RNGTT: variants seen among roughly 807,000 people sequenced by gnomAD.
The protein encoded by RNGTT is RNA guanylyltransferase and 5'-phosphatase, also known as mRNA-capping enzyme.
RNGTT carries 33 observed loss-of-function variants against 79.3 expected under a neutral mutation model. The observed-to-expected ratio is 0.42, with a 90% CI of 0.32 to 0.56. The LOEUF (loss-of-function observed/expected upper bound fraction) is 0.56. Among genes scored for constraint, RNGTT ranks in the 20% least tolerant of loss-of-function variants. The pLI, the probability that RNGTT is intolerant of heterozygous loss-of-function variation, is 0.17. For missense variants in RNGTT, 497 were observed against 739.1 expected (o/e 0.67, Z 3.80); for synonymous variants, 222 against 235.9 (o/e 0.94, Z 0.54).
chr6:88,913,850 C>T (rs1381892670), intron 4 of RNGTT, among the ~76,000 whole-genome samples: 1 of 152,112 alleles, frequency 6.6e-6, no homozygotes, highest in South Asian at 2.1e-4. Flanking sequence ...ACTAGAAGTG[C>T]TAGCAAGAGC....
At chr6:88,643,562 C>T (rs189796163) in intron 14 of RNGTT, among the ~76,000 whole-genome samples, 5 of 152,308 alleles carry the variant, frequency 3.3e-5, no homozygotes, top group African/African-American at 4.8e-5. Flanking sequence ...CTTCTCATCA[C>T]CACACCACAC....
chr6:88,648,100 G>A (rs1241014091), intron 14 of RNGTT, among the ~76,000 whole-genome samples: 1 of 152,072 alleles, frequency 6.6e-6, no homozygotes, highest in Non-Finnish European at 1.5e-5. Flanking sequence ...ATTTTTATAT[G>A]AGTTCCATTT....
chr6:88,755,930 A>G (rs1177529615), intron 13 of RNGTT, among the ~76,000 whole-genome samples: 1 of 142,930 alleles, frequency 7.0e-6, no homozygotes, highest in African/African-American at 2.6e-5. Flanking sequence ...ACTGCACTCC[A>G]GCCTGGCCAA....
At position 88,612,826 on chromosome 6, in the gene RNGTT, C is replaced by G. The variant is rs1009818547; in HGVS notation, c.1687G>C (p.Asp563His). 7 of 1,613,370 alleles carry G rather than the reference C, an allele frequency of 4.3e-6. No individual in the cohort carries two copies. Among genetic ancestry groups the G allele is most frequent in the African/African-American group, 1.3e-5 (1 of 74,840 alleles). The change falls in exon 16 of 16, where the codon GAC becomes CAC. Residue 563 changes from aspartate to histidine, a missense_variant. Physicochemically the swap from Asp to His is moderately conservative, Grantham distance 81 (BLOSUM62 -1). Coordinates refer to ENST00000369485, the MANE Select transcript of RNGTT (RefSeq NM_003800.5). ...CCTTGAGAAGCTGCAGTACATCTGT[C>G]GATGAACTCAAACAGCATCTCCTTG... ...VTKEMLFEFIDRCTAASQGQK... is the reference protein window; with the variant it reads ...VTKEMLFEFIHRCTAASQGQK...
intron 14 of RNGTT, among the ~76,000 whole-genome samples, chr6:88,621,128 T>C (rs1772428395): frequency 6.6e-6 from 1 of 152,222 alleles, no homozygotes. Context: ...TGCTAGCCTC[T>C]GGCCTAAGTC....
intron 14 of RNGTT, among the ~76,000 whole-genome samples, chr6:88,643,239 C>T (rs1027548620): frequency 6.6e-6 from 1 of 151,986 alleles, no homozygotes; most frequent in Non-Finnish European, 1.5e-5. Context: ...CAAAAGAGAG[C>T]ATAAATCCTA....
intron 4 of RNGTT, among the ~76,000 whole-genome samples, chr6:88,906,854 T>A (rs1444060208): frequency 6.6e-6 from 1 of 152,148 alleles, no homozygotes; most frequent in East Asian, 1.9e-4. Flanking sequence ...CTCTTCATGA[T>A]CAATGGCATA....
At chr6:88,613,310 C>T (rs1257408271) in intron 15 of RNGTT, among the ~76,000 whole-genome samples, 2 of 152,192 alleles carry the variant, frequency 1.3e-5, no homozygotes, top group Admixed American at 6.5e-5. Context: ...CACCAGCCAC[C>T]ATTCCTGTTG....
At chr6:88,951,617 C>T (rs994555260) in intron 1 of RNGTT, among the ~76,000 whole-genome samples, 4 of 152,164 alleles carry the variant, frequency 2.6e-5, no homozygotes, top group Non-Finnish European at 5.9e-5. Context: ...GGGGATAAAA[C>T]CTGCCTCTGA....
intron 11 of RNGTT, among the ~76,000 whole-genome samples, chr6:88,836,365 A>G (rs182692585): frequency 7.9e-5 from 12 of 152,212 alleles, no homozygotes; most frequent in Admixed American, 6.5e-5. Context: ...CTCTTCCACT[A>G]GAAATTTTAA....
intron 15 of RNGTT, 87 bp from the exon 16 acceptor site, chr6:88,612,969 A>C (rs986213543): frequency 8.4e-7 from 1 of 1,193,064 alleles, no homozygotes; most frequent in African/African-American, 1.5e-5. Context: ...TTTCATCCCA[A>C]TATACTAAAT....
intron 8 of RNGTT, among the ~76,000 whole-genome samples, chr6:88,883,170 C>CAAAA (rs976114373): frequency 5.8e-5 from 4 of 68,880 alleles, no homozygotes; most frequent in East Asian, 6.1e-4. Flanking sequence ...CTCTTTATGA[C>CAAAA]AAAAAAAAAA....
chr6:88,799,700 C>CAAAAAAAA (rs36033019), intron 12 of RNGTT, among the ~76,000 whole-genome samples: 2 of 46,246 alleles, frequency 4.3e-5, no homozygotes, highest in African/African-American at 8.7e-5. Flanking sequence ...AACTCCATCT[C>CAAAAAAAA]AAAAAAAAAA....
intron 12 of RNGTT, among the ~76,000 whole-genome samples, chr6:88,787,934 A>G (rs1468999981): frequency 6.6e-6 from 1 of 152,230 alleles, no homozygotes; most frequent in East Asian, 1.9e-4. Context: ...TGAGGTGGAA[A>G]TGCTGGAAAA....
At chr6:88,801,854 C>T (rs1362289050) in intron 11 of RNGTT, among the ~76,000 whole-genome samples, 2 of 150,886 alleles carry the variant, frequency 1.3e-5, no homozygotes, top group East Asian at 1.9e-4. Context: ...CACACACACA[C>T]ACACAAATTT....
chr6:88,623,816 A>C, intron 14 of RNGTT, among the ~76,000 whole-genome samples: 1 of 152,114 alleles, frequency 6.6e-6, no homozygotes, highest in East Asian at 1.9e-4. Context: ...GATTACTTAC[A>C]TAGAAGGATA....
chr6:88,639,087 T>C (rs2127772401), intron 14 of RNGTT, among the ~76,000 whole-genome samples: 1 of 152,252 alleles, frequency 6.6e-6, no homozygotes, highest in African/African-American at 2.4e-5. Flanking sequence ...CTACAGCAAA[T>C]ATTAGAACAG....
intron 4 of RNGTT, among the ~76,000 whole-genome samples, chr6:88,908,351 G>A (rs771537569): frequency 1.3e-5 from 2 of 152,084 alleles, no homozygotes; most frequent in Non-Finnish European, 2.9e-5. Flanking sequence ...GCTGAAAAAC[G>A]CCTCTTCCAT....
At chr6:88,904,630 A>C in intron 6 of RNGTT, 85 bp downstream of exon 6, 1 of 1,409,850 alleles carries the variant, frequency 7.1e-7, no homozygotes, top group Non-Finnish European at 9.6e-7. Flanking sequence ...CTAAAGAAAC[A>C]TGGCCAATAT....
Sources: allele counts gnomAD v4.1 joint callset (sites outside exome capture counted in the v4.1 genomes callset), GRCh38; gene constraint gnomAD v4.1.1; transcripts MANE v1.5; gene names NCBI Gene and HGNC (gene_info 2026-07-23, HGNC 2026-07-21).